Variants in DNAJC8 observed in about 807,000 individuals in gnomAD.
DNAJC8 encodes the protein dnaJ homolog subfamily C member 8.
A neutral mutation model predicts 43.2 loss-of-function variants in DNAJC8; 24 were observed. The ratio of observed to expected loss-of-function variants is 0.56; its 90% CI spans 0.40 to 0.78. The LOEUF (loss-of-function observed/expected upper bound fraction) is 0.78, where lower values mean the gene tolerates loss of function less well. DNAJC8 is among the 30% of genes least tolerant of loss of function. The probability of loss-of-function intolerance (pLI) is 0.00; values close to 1 mark genes in which losing one functional copy is unlikely to be tolerated. For missense variants in DNAJC8, 207 were observed against 299.4 expected, an observed-to-expected ratio of 0.69 and a Z score of 2.28; for synonymous variants, 83 against 98.0, an observed-to-expected ratio of 0.85 and a Z score of 0.90.
At chr1:28,229,397 A>T (rs1243493562) in intron 1 of DNAJC8, among the ~76,000 whole-genome samples, 9 of 152,174 alleles carry the variant, frequency 5.9e-5, no homozygotes, top group Admixed American at 5.9e-4. Context: ...TAAATAAGTC[A>T]CAGCCTTTAA....
intron 3 of DNAJC8, among the ~76,000 whole-genome samples, chr1:28,214,137 C>T (rs761128732): frequency 4.6e-5 from 7 of 152,052 alleles, no homozygotes; most frequent in African/African-American, 9.7e-5. Context: ...ATTAAACCTA[C>T]GAATGGGCAA....
At chr1:28,225,982 G>T (rs1646931445) in intron 2 of DNAJC8, among the ~76,000 whole-genome samples, 1 of 150,870 alleles carries the variant, frequency 6.6e-6, no homozygotes, top group South Asian at 2.1e-4. Flanking sequence ...GAGATTACAG[G>T]CGTGAGCCAC....
intron 3 of DNAJC8, 44 bp downstream of exon 3, chr1:28,214,896 T>C: frequency 1.3e-6 from 2 of 1,527,272 alleles, no homozygotes; most frequent in Non-Finnish European, 8.9e-7. Context: ...AATCATGTGC[T>C]TCATACATTT....
At chr1:28,223,855 G>C (rs1048126290) in intron 2 of DNAJC8, among the ~76,000 whole-genome samples, 5 of 152,142 alleles carry the variant, frequency 3.3e-5, no homozygotes, top group African/African-American at 9.7e-5. Context: ...CAAACACACA[G>C]ACTCCAGGGT....
rs1329928459 is a variant in DNAJC8, at chr1:28,200,535, C to T, written c.*713G>A. 4 of 456,320 alleles carry T rather than the reference C, an allele frequency of 8.8e-6. No homozygotes were observed. The Admixed American group carries it at 9.4e-5, about 11-fold the overall frequency. The allele number at this position is 456,320 out of a possible 1,614,324, so 28.3% of individuals were successfully genotyped here. The stretch of plus-strand genomic sequence containing the variant: ...GACAAGGGACCCACAAGGGAGAGTA[C>T]AAGGAAAAGTACATCAATGGCTTGG... On this transcript the variant is annotated 3_prime_UTR_variant, in exon 9 of 9. Coordinates refer to ENST00000263697, the MANE Select transcript of DNAJC8 (RefSeq NM_014280.3).
intron 2 of DNAJC8, among the ~76,000 whole-genome samples, chr1:28,219,052 G>C (rs1375092573): frequency 2.6e-5 from 4 of 152,168 alleles, no homozygotes; most frequent in Non-Finnish European, 5.9e-5. Context: ...CCTCTGATAA[G>C]ATTATAGCTT....
chr1:28,215,055 A>G, intron 2 of DNAJC8, 59 bp from the exon 3 acceptor site: 1 of 1,385,092 alleles, frequency 7.2e-7, no homozygotes, highest in Non-Finnish European at 1.0e-6. Context: ...TGTATATTTA[A>G]GAGTTGCTCA....
At chr1:28,212,272 C>CT (rs528978849) in intron 3 of DNAJC8, among the ~76,000 whole-genome samples, 986 of 90,922 alleles carry the variant, frequency 0.011, 89 homozygotes, top group African/African-American at 0.037. Flanking sequence ...TTGTTCTATT[C>CT]TTTTTTTTTT....
chr1:28,214,887 A>C, intron 3 of DNAJC8, 53 bp downstream of exon 3: 1 of 1,497,392 alleles, frequency 6.7e-7, no homozygotes, highest in Non-Finnish European at 9.1e-7. Context: ...TGATAAAAGA[A>C]TCATGTGCTT....
intron 2 of DNAJC8, among the ~76,000 whole-genome samples, chr1:28,217,809 C>A (rs544052421): frequency 6.6e-6 from 1 of 151,976 alleles, no homozygotes; most frequent in South Asian, 2.1e-4. Flanking sequence ...AATTCATAAA[C>A]CCTGATTGAT....
chr1:28,216,543 G>T (rs1042375580), intron 2 of DNAJC8, among the ~76,000 whole-genome samples: 6 of 151,958 alleles, frequency 3.9e-5, no homozygotes, highest in African/African-American at 1.5e-4. Context: ...AACCCTGATT[G>T]ATTTTTTAAA....
chr1:28,224,042 GAC>G (rs542097610), intron 2 of DNAJC8, among the ~76,000 whole-genome samples: 103 of 152,288 alleles, frequency 6.8e-4, no homozygotes, highest in African/African-American at 2.3e-3. Flanking sequence ...ACATATGAAA[GAC>G]ACAGGAGCTA....
At chr1:28,209,233 C>A (rs1408754266) in intron 5 of DNAJC8, among the ~76,000 whole-genome samples, 2 of 152,160 alleles carry the variant, frequency 1.3e-5, no homozygotes, top group African/African-American at 4.8e-5. Flanking sequence ...CTCTTCTTAT[C>A]CATTTTCCTC....
chr1:28,224,712 A>G (rs528492378), intron 2 of DNAJC8, among the ~76,000 whole-genome samples: 22 of 152,146 alleles, frequency 1.4e-4, no homozygotes, highest in African/African-American at 5.3e-4. Context: ...GTGAAACCCC[A>G]TCTCTACTAA....
Position 28,200,433 on chromosome 1 carries a change from C to T in DNAJC8, c.*815G>A. The T allele has an allele frequency of 2.2e-6, 1 of 454,318 alleles. No individual in the cohort carries two copies. Among genetic ancestry groups the T allele is most frequent in the South Asian group, 1.6e-5 (1 of 64,292 alleles). The allele number at this position is 454,318 out of a possible 1,614,324, so 28.1% of individuals were successfully genotyped here. A position where few individuals can be genotyped will look rare whatever the true frequency, so the allele number is the denominator to read the frequency against. On this transcript the variant is annotated 3_prime_UTR_variant, in exon 9 of 9. Transcript: ENST00000263697. Reference sequence around the variant, plus strand: ...AAAAGCTGCTGCAGTAATTCATATTCCCATTTCATAGATGAAGAAACTAAG... The same window carrying T: ...AAAAGCTGCTGCAGTAATTCATATTTCCATTTCATAGATGAAGAAACTAAG...
At chr1:28,209,471 C>T (rs1340150873) in intron 5 of DNAJC8, among the ~76,000 whole-genome samples, 1 of 152,156 alleles carries the variant, frequency 6.6e-6, no homozygotes, top group South Asian at 2.1e-4. Context: ...AAAAATAACA[C>T]CAGCTACAAC....
chr1:28,213,648 T>C (rs1370465245), intron 3 of DNAJC8, among the ~76,000 whole-genome samples: 1 of 152,128 alleles, frequency 6.6e-6, no homozygotes, highest in African/African-American at 2.4e-5. Context: ...CTAAGGAAAG[T>C]TTTTTTAAAA....
chr1:28,215,178 A>G (rs1285535903), intron 2 of DNAJC8, among the ~76,000 whole-genome samples, 182 bp from the exon 3 acceptor site: 1 of 152,184 alleles, frequency 6.6e-6, no homozygotes, highest in Admixed American at 6.5e-5. Context: ...AATCAACAGA[A>G]TAACAATTAT....
At chr1:28,218,253 G>A (rs188318563) in intron 2 of DNAJC8, among the ~76,000 whole-genome samples, 5 of 151,626 alleles carry the variant, frequency 3.3e-5, no homozygotes, top group African/African-American at 1.2e-4. Context: ...GTGCCACCAC[G>A]CCCGGCTCAT....
Sources: allele counts gnomAD v4.1 joint callset (sites outside exome capture counted in the v4.1 genomes callset), GRCh38; gene constraint gnomAD v4.1.1; transcripts MANE v1.5; gene names NCBI Gene and HGNC (gene_info 2026-07-23, HGNC 2026-07-21).